The following NAV2 variants were observed in gnomAD, a reference collection of about 807,000 sequenced individuals.
The protein encoded by NAV2 is neuron navigator 2.
Under a neutral mutation model 223.2 loss-of-function variants are expected in NAV2, and 54 were observed. The ratio of observed to expected loss-of-function variants is 0.24; its 90% CI spans 0.19 to 0.30. The LOEUF is 0.30. Among genes scored for constraint, NAV2 ranks in the 10% least tolerant of loss-of-function variants. The pLI is 1.00. For synonymous variants in NAV2, 1,279 were observed against 1,239.3 expected (o/e 1.03, Z -0.67); for missense variants, 2,806 against 3,147.5 (o/e 0.89, Z 2.60).
intron 1 of NAV2, among the ~76,000 whole-genome samples, chr11:19,693,194 C>T (rs967861384): frequency 2.0e-5 from 3 of 152,234 alleles, no homozygotes; most frequent in South Asian, 2.1e-4. Flanking sequence ...TGAGGTGGTG[C>T]CTCTGCGTGT....
intron 10 of NAV2, among the ~76,000 whole-genome samples, chr11:19,970,729 G>T (rs1388151046): frequency 6.6e-6 from 1 of 151,978 alleles, no homozygotes; most frequent in Non-Finnish European, 1.5e-5. Context: ...GACAGAAAAA[G>T]GATTTATTGA....
At chr11:19,970,024 C>T (rs933349516) in intron 10 of NAV2, among the ~76,000 whole-genome samples, 18 of 152,122 alleles carry the variant, frequency 1.2e-4, no homozygotes, top group African/African-American at 4.1e-4. Flanking sequence ...ACAATATGCT[C>T]TAATAAAAGT....
chr11:19,924,740 G>C (rs1453267934), intron 6 of NAV2, among the ~76,000 whole-genome samples: 1 of 152,220 alleles, frequency 6.6e-6, no homozygotes, highest in East Asian at 1.9e-4. Flanking sequence ...TAGTTTTAGA[G>C]AGAACTGACA....
chr11:20,040,412 T>A (rs1162258433), intron 12 of NAV2, among the ~76,000 whole-genome samples: 1 of 152,212 alleles, frequency 6.6e-6, no homozygotes, highest in African/African-American at 2.4e-5. Context: ...TCACCATCAA[T>A]GCTGTAAGAG....
At chr11:19,412,305 G>A (rs1214383357) in intron 1 of NAV2, among the ~76,000 whole-genome samples, 3 of 152,274 alleles carry the variant, frequency 2.0e-5, no homozygotes, top group East Asian at 1.9e-4. Context: ...ATAAAGCCCC[G>A]GGAAGTTCGA....
At position 20,103,733 on chromosome 11, in the gene NAV2, T is replaced by C; in HGVS notation, c.6644+9T>C. 6.2e-7 allele frequency: 1 copy of C among 1,613,388 alleles called. No individual in the cohort carries two copies. Among genetic ancestry groups the C allele is most frequent in the Non-Finnish European group, 8.5e-7 (1 of 1,179,278 alleles). ...CTTCACCATAACTTCAGGTCAGTTT[T>C]CCCTTCCCTTGTCCAGTTAAACAAT... On this transcript the variant is annotated intron_variant, in intron 34 of 37. Transcript: ENST00000349880.
intron 1 of NAV2, among the ~76,000 whole-genome samples, chr11:19,746,294 T>C (rs2053333206): frequency 6.6e-6 from 1 of 152,158 alleles, no homozygotes; most frequent in African/African-American, 2.4e-5. Flanking sequence ...CTCAACATAT[T>C]TGGGTGGCAT....
At chr11:20,079,035 G>A (rs994264893) in intron 24 of NAV2, among the ~76,000 whole-genome samples, 1 of 152,070 alleles carries the variant, frequency 6.6e-6, no homozygotes, top group Non-Finnish European at 1.5e-5. Context: ...TCATAGATGA[G>A]AGTCACTTCC....
intron 1 of NAV2, among the ~76,000 whole-genome samples, chr11:19,420,025 G>C (rs1850543618): frequency 6.6e-6 from 1 of 152,310 alleles, no homozygotes; most frequent in South Asian, 2.1e-4. Context: ...AGAGCAAGCA[G>C]TAAGGTGAGG....
upstream of NAV2, chr11:19,711,768 T>A (rs1428496807): frequency 6.6e-6 from 1 of 152,244 alleles, no homozygotes; most frequent in Non-Finnish European, 1.5e-5. Context: ...TATTGGTCTC[T>A]TACATTGCCA....
intron 1 of NAV2, among the ~76,000 whole-genome samples, chr11:19,573,704 G>A (rs2045491869): frequency 6.6e-6 from 1 of 152,218 alleles, no homozygotes; most frequent in South Asian, 2.1e-4. Flanking sequence ...CCTGAGGACT[G>A]TGCTTTCTTC....
intron 2 of NAV2, among the ~76,000 whole-genome samples, chr11:19,840,841 T>C (rs2060475893): frequency 6.6e-6 from 1 of 152,234 alleles, no homozygotes; most frequent in African/African-American, 2.4e-5. Flanking sequence ...ACTCAACAAG[T>C]ATTTATTGTG....
At chr11:20,106,140 C>T (rs1306744516) in intron 35 of NAV2, among the ~76,000 whole-genome samples, 2 of 59,380 alleles carry the variant, frequency 3.4e-5, no homozygotes, top group Admixed American at 5.5e-4. Flanking sequence ...TGTCCTTGTT[C>T]ATATGTGTGT....
chr11:19,851,806 A>G (rs2061153437), intron 3 of NAV2, among the ~76,000 whole-genome samples: 1 of 152,240 alleles, frequency 6.6e-6, no homozygotes, highest in Non-Finnish European at 1.5e-5. Flanking sequence ...TTACCTGATG[A>G]GAGACTTTCC....
intron 1 of NAV2, among the ~76,000 whole-genome samples, chr11:19,699,975 A>G (rs939588266): frequency 1.2e-4 from 19 of 152,326 alleles, no homozygotes; most frequent in Admixed American, 2.0e-4. Context: ...GGGATCCCCA[A>G]TGGGCTCATA....
chr11:19,492,695 T>C (rs1331625749), intron 1 of NAV2, among the ~76,000 whole-genome samples: 1 of 152,128 alleles, frequency 6.6e-6, no homozygotes, highest in African/African-American at 2.4e-5. Context: ...CAAAAGCAAA[T>C]CCCAATAGAT....
chr11:20,072,635 T>A (rs1005370139), intron 22 of NAV2, among the ~76,000 whole-genome samples: 8 of 152,236 alleles, frequency 5.3e-5, no homozygotes, highest in Non-Finnish European at 1.2e-4. Flanking sequence ...TAGTTCTCCT[T>A]CAAGAGGTCC....
intron 1 of NAV2, among the ~76,000 whole-genome samples, chr11:19,568,675 C>G (rs900497334): frequency 6.6e-6 from 1 of 152,120 alleles, no homozygotes; most frequent in African/African-American, 2.4e-5. Flanking sequence ...TTTAGTCCCC[C>G]ATTGAAGGAA....
chr11:19,690,538 CAACACGTAAT>C (rs1451851923), intron 1 of NAV2, among the ~76,000 whole-genome samples: 1 of 152,142 alleles, frequency 6.6e-6, no homozygotes, highest in Non-Finnish European at 1.5e-5. Context: ...GAATCAGAAT[CAACACGTAAT>C]AAGTGCTCAA....
Sources: gnomAD v4.1 joint callset for allele counts (sites outside exome capture counted in the v4.1 genomes callset) on GRCh38, gnomAD v4.1.1 for gene constraint, MANE v1.5 for transcripts, NCBI Gene and HGNC (gene_info 2026-07-23, HGNC 2026-07-21) for gene names.